Variants in RIPOR2 observed in about 807,000 individuals in gnomAD.
RIPOR2 encodes the protein rho family-interacting cell polarization regulator 2.
RIPOR2 carries 39 observed loss-of-function variants against 114.5 expected under a neutral mutation model. The ratio of observed to expected loss-of-function variants is 0.34; its 90% confidence interval spans 0.26 to 0.44. RIPOR2 has a LOEUF of 0.44. Among genes scored for constraint, RIPOR2 ranks in the 20% least tolerant of loss-of-function variants. RIPOR2 has a pLI of 1.00. For synonymous variants in RIPOR2, 445 were observed against 484.4 expected (o/e 0.92, Z 1.07); for missense variants, 1,007 against 1,255.1 (o/e 0.80, Z 2.99).
chr6:24,828,095 A>C, intron 18 of RIPOR2, 42 bp downstream of exon 18: 1 of 1,468,564 alleles, frequency 6.8e-7, no homozygotes, highest in Non-Finnish European at 9.1e-7. Context: ...GATAACGCCA[A>C]ATTGAGCCAC....
chr6:24,894,707 C>G lies in RIPOR2; in HGVS notation c.62-18890G>C, dbSNP rs111881737. ...TACTTTCATATCCCATAACCATTCC[C>G]AACCACTAGGCGCTCATTGAGGGTC... is the stretch of plus-strand genomic sequence containing the variant. On this transcript the variant is annotated intron_variant, in intron 1 of 21. Transcript: ENST00000643898. Among the ~76,000 whole-genome samples the G allele has an allele frequency of 6.4e-3, 975 of 152,290 alleles. 7 individuals carry two copies. The highest frequency in any genetic ancestry group is 0.022 in the African/African-American group (901 of 41,554).
chr6:24,885,498 A>G (rs1482781137), intron 1 of RIPOR2, among the ~76,000 whole-genome samples: 1 of 151,512 alleles, frequency 6.6e-6, no homozygotes, highest in African/African-American at 2.4e-5. Flanking sequence ...TGCTGGAATT[A>G]CAGGTGTGAG....
intron 1 of RIPOR2, among the ~76,000 whole-genome samples, chr6:25,033,908 G>A (rs1336521352): frequency 1.3e-5 from 2 of 151,934 alleles, no homozygotes; most frequent in Non-Finnish European, 2.9e-5. Flanking sequence ...AAAGTATTGT[G>A]TTCAAATGTT....
rs1334670089 is a variant in RIPOR2 at position 24,883,679 on chromosome 6, A to G, written c.62-7862T>C. On this transcript the variant is annotated intron_variant, in intron 1 of 21. Coordinates refer to ENST00000643898, the MANE Select transcript of RIPOR2 (RefSeq NM_001286445.3). The surrounding 1 kb of genome is among the most constrained non-coding windows in gnomAD (Gnocchi z 4.1). ...TAGAAAAAGTCATCATTCCTTCTGC[A>G]AGAGGAAGTGCCAAGAAATCAGGAC... Among the ~76,000 whole-genome samples the G allele has an allele frequency of 6.6e-6, 1 of 152,250 alleles. No homozygotes were observed. Among genetic ancestry groups the G allele is most frequent in the Non-Finnish European group, 1.5e-5 (1 of 68,038 alleles).
chr6:24,969,118 C>T (rs1365790844), intron 1 of RIPOR2, among the ~76,000 whole-genome samples: 2 of 152,194 alleles, frequency 1.3e-5, no homozygotes, highest in Non-Finnish European at 2.9e-5. Context: ...AGAATCACCT[C>T]GAGGTCTTGT....
At position 24,916,503 on chromosome 6, in the gene RIPOR2, C is replaced by A. The variant is rs138093034; in HGVS notation, c.61+19335G>T. Among the ~76,000 whole-genome samples the A allele has an allele frequency of 5.6e-4, 85 of 152,222 alleles. No homozygotes were observed. In the East Asian group the frequency reaches 7.7e-3, roughly 14 times the overall value. On this transcript the variant is annotated intron_variant, in intron 1 of 21. Transcript: ENST00000643898. ...GGATAGCCAATAAATATTGACTAAACGAGAAATGAGAGCATACACTATCCC... is the reference window on the plus strand; with the variant it reads ...GGATAGCCAATAAATATTGACTAAAAGAGAAATGAGAGCATACACTATCCC...
chr6:24,815,656 A>T (rs1446800992), intron 20 of RIPOR2, among the ~76,000 whole-genome samples: 2 of 23,380 alleles, frequency 8.6e-5, no homozygotes, highest in African/African-American at 2.0e-4. Flanking sequence ...TGTGTCTTTT[A>T]ATTGCAGAAT....
intron 1 of RIPOR2, among the ~76,000 whole-genome samples, chr6:24,952,646 G>A (rs1772835113): frequency 6.6e-6 from 1 of 152,140 alleles, no homozygotes; most frequent in South Asian, 2.1e-4. Context: ...TATTAGCATT[G>A]TTTTAAATGT....
At chr6:25,036,693 A>G (rs954980996) in intron 1 of RIPOR2, among the ~76,000 whole-genome samples, 1 of 152,292 alleles carries the variant, frequency 6.6e-6, no homozygotes, top group East Asian at 1.9e-4. Context: ...ACGCTAGGCT[A>G]GAGTTCAACT....
At position 24,913,216 on chromosome 6, in the gene RIPOR2, G is replaced by C. The variant is rs148448062; in HGVS notation, c.61+22622C>G. The stretch of plus-strand genomic sequence containing the variant: ...AGAGCAGAGACCAGAAAGAAGCATG[G>C]AGTGGCTCCCCAAGCTGCTGCCTTT... On this transcript the variant is annotated intron_variant, in intron 1 of 21. Coordinates refer to ENST00000643898, the MANE Select transcript of RIPOR2 (RefSeq NM_001286445.3). Among the ~76,000 whole-genome samples, 353 of 152,152 alleles carry C rather than the reference G, an allele frequency of 2.3e-3. 2 individuals are homozygous for C. In the South Asian group the frequency reaches 0.023, roughly 10 times the overall value.
intron 1 of RIPOR2, among the ~76,000 whole-genome samples, chr6:25,025,519 C>T (rs927239691): frequency 1.3e-5 from 2 of 152,036 alleles, no homozygotes; most frequent in Non-Finnish European, 2.9e-5. Flanking sequence ...TTTACCCTCA[C>T]CCCCTCCCAG....
chr6:24,934,828 C>T (rs755630206), intron 1 of RIPOR2, among the ~76,000 whole-genome samples: 1 of 152,078 alleles, frequency 6.6e-6, no homozygotes, highest in Non-Finnish European at 1.5e-5. Flanking sequence ...AAAATCGCAA[C>T]CTTTACAGTT....
At chr6:24,958,124 C>T (rs1423348725) in intron 1 of RIPOR2, among the ~76,000 whole-genome samples, 1 of 151,844 alleles carries the variant, frequency 6.6e-6, no homozygotes, top group Non-Finnish European at 1.5e-5. Context: ...TATCCGAATG[C>T]CTAAGAATCA....
intron 1 of RIPOR2, among the ~76,000 whole-genome samples, chr6:25,026,295 G>A (rs1776619742): frequency 6.6e-6 from 1 of 152,106 alleles, no homozygotes; most frequent in African/African-American, 2.4e-5. Context: ...TATTTATATA[G>A]GTATACCTTT....
At chr6:25,012,507 T>C (rs1775814180) in intron 1 of RIPOR2, among the ~76,000 whole-genome samples, 1 of 152,182 alleles carries the variant, frequency 6.6e-6, no homozygotes, top group African/African-American at 2.4e-5. Flanking sequence ...GTAAACATGA[T>C]GTGGTTTATC....
intron 1 of RIPOR2, among the ~76,000 whole-genome samples, chr6:24,894,282 G>T (rs147276865): frequency 1.1e-3 from 164 of 152,314 alleles, no homozygotes; most frequent in African/African-American, 3.8e-3. Context: ...TGTGAGTTAG[G>T]TAGGACAGTG....
intron 19 of RIPOR2, among the ~76,000 whole-genome samples, chr6:24,824,916 C>A (rs796923911): frequency 3.9e-5 from 6 of 152,018 alleles, no homozygotes; most frequent in Non-Finnish European, 7.4e-5. Flanking sequence ...AAGAAAATAA[C>A]CATGATATAT....
intron 1 of RIPOR2, among the ~76,000 whole-genome samples, chr6:24,898,080 A>C (rs971410195): frequency 1.1e-4 from 17 of 152,028 alleles, no homozygotes; most frequent in Non-Finnish European, 2.2e-4. Context: ...GAAGGAAGCA[A>C]GGAAGGAAGG....
chr6:24,995,653 T>A (rs570947898), intron 1 of RIPOR2, among the ~76,000 whole-genome samples: 52 of 152,236 alleles, frequency 3.4e-4, no homozygotes, highest in Admixed American at 5.2e-4. Context: ...GTACCTCTTA[T>A]ATGTTCTCAA....
Sources: allele counts gnomAD v4.1 joint callset (sites outside exome capture counted in the v4.1 genomes callset), GRCh38; gene constraint gnomAD v4.1.1; non-coding constraint Gnocchi (gnomAD v3.1); transcripts MANE v1.5; gene names NCBI Gene and HGNC (gene_info 2026-07-23, HGNC 2026-07-21).